Variants in JPH3 observed in about 807,000 individuals in gnomAD.
JPH3 encodes the protein junctophilin-3.
A neutral mutation model predicts 59.6 loss-of-function variants in JPH3; 11 were observed. The observed-to-expected ratio is 0.18, with a 90% CI of 0.12 to 0.31. JPH3 has a LOEUF of 0.31. Ranked by LOEUF, JPH3 falls within the 10% of genes least tolerant of loss-of-function variation. The pLI is 1.00. For missense variants in JPH3, 1,202 were observed against 1,105.7 expected, an observed-to-expected ratio of 1.09 and a Z score of -1.24; for synonymous variants, 673 against 483.6, an observed-to-expected ratio of 1.39 and a Z score of -5.14.
intron 2 of JPH3, among the ~76,000 whole-genome samples, chr16:87,668,533 C>T (rs962654307): frequency 6.6e-6 from 1 of 152,202 alleles, no homozygotes; most frequent in East Asian, 1.9e-4. Flanking sequence ...TCTGTTACAC[C>T]AAATGCAGTT....
chr16:87,693,946 A>G (rs1056990415), intron 4 of JPH3: 1 of 152,228 alleles, frequency 6.6e-6, no homozygotes, highest in Non-Finnish European at 1.5e-5. Flanking sequence ...AAGTACTCCC[A>G]CCCGTTGCCG....
At chr16:87,662,615 C>A (rs2032740859) in intron 2 of JPH3, among the ~76,000 whole-genome samples, 1 of 152,214 alleles carries the variant, frequency 6.6e-6, no homozygotes. Context: ...CCCCTGGTGG[C>A]CCCTCCAGAG....
At chr16:87,689,521 T>C in intron 3 of JPH3, 125 bp from the exon 4 acceptor site, 1 of 1,041,064 alleles carries the variant, frequency 9.6e-7, no homozygotes, top group Non-Finnish European at 1.4e-6. Context: ...CCTGCAGCCT[T>C]TCGGTGAGTG....
chr16:87,639,889 C>T (rs76799716), intron 1 of JPH3, among the ~76,000 whole-genome samples: 112 of 152,326 alleles, frequency 7.4e-4, no homozygotes, highest in African/African-American at 2.6e-3. Context: ...GGGGGGACCA[C>T]GTCATTTTAT....
chr16:87,644,603 C>T lies in JPH3; in HGVS notation c.728C>T (p.Ser243Phe). The change falls in exon 2 of 5, where the codon TCC (serine) becomes TTC (phenylalanine). Residue 243 changes from serine (S) to phenylalanine (F), a missense_variant. Ser to Phe is a radical substitution (Grantham distance 155, BLOSUM62 -2). Coordinates refer to ENST00000284262, the MANE Select transcript of JPH3 (RefSeq NM_020655.4). ...GCCAGCCAACGCAGCAAGCAGAGCTCCTTTCGCAGCGAGGCGGGCATGAGC... is the reference window on the plus strand; with the variant it reads ...GCCAGCCAACGCAGCAAGCAGAGCTTCTTTCGCAGCGAGGCGGGCATGAGC... ...SLASQRSKQSSFRSEAGMSTV... is the reference protein window; with the variant it reads ...SLASQRSKQSFFRSEAGMSTV... The T allele has an allele frequency of 6.2e-7, 1 of 1,612,894 alleles. No individual in the cohort carries two copies. The highest frequency in any genetic ancestry group is 8.5e-7 in the Non-Finnish European group (1 of 1,179,898).
chr16:87,623,654 C>T (rs937360117), intron 1 of JPH3, among the ~76,000 whole-genome samples: 21 of 152,372 alleles, frequency 1.4e-4, no homozygotes, highest in African/African-American at 4.8e-4. Flanking sequence ...CCTCACCTCA[C>T]TCTCCTCCTT....
At position 87,645,144 on chromosome 16, in the gene JPH3, AG is replaced by A. The variant is rs1479283460; in HGVS notation, c.1160+111del. The A allele has an allele frequency of 9.8e-6, 11 of 1,126,266 alleles. No homozygotes were observed. The East Asian group carries it at 2.8e-4, about 28-fold the overall frequency. The allele number at this position is 1,126,266 out of a possible 1,614,324, so 69.8% of individuals were successfully genotyped here. The stretch of plus-strand genomic sequence containing the variant: ...AAGGCCTTGGGCTAGGCCCAGTTTG[AG>A]GCCTACACTGGTGTTTCTCAAACTA... On this transcript the variant is annotated intron_variant, in intron 2 of 4. Coordinates refer to ENST00000284262, the MANE Select transcript of JPH3 (RefSeq NM_020655.4).
At chr16:87,630,802 C>G (rs1054496668) in intron 1 of JPH3, among the ~76,000 whole-genome samples, 2 of 152,174 alleles carry the variant, frequency 1.3e-5, no homozygotes, top group African/African-American at 4.8e-5. Flanking sequence ...TATCTGTTGA[C>G]TCCTACTGTA....
intron 1 of JPH3, among the ~76,000 whole-genome samples, chr16:87,641,892 G>C (rs2031966058): frequency 6.6e-6 from 1 of 152,226 alleles, no homozygotes. Context: ...GAACATCTAA[G>C]ACCCCAGCCA....
intron 1 of JPH3, among the ~76,000 whole-genome samples, chr16:87,641,251 A>G (rs1305734389): frequency 6.6e-6 from 1 of 152,142 alleles, no homozygotes. Context: ...GGCATCCTGT[A>G]GGAGAAGGTG....
chr16:87,653,167 G>C (rs1398885017), intron 2 of JPH3, among the ~76,000 whole-genome samples: 1 of 152,224 alleles, frequency 6.6e-6, no homozygotes, highest in Non-Finnish European at 1.5e-5. Flanking sequence ...CCTTGTTGAT[G>C]ATGGCCTTGA....
intron 1 of JPH3, among the ~76,000 whole-genome samples, chr16:87,617,037 C>T (rs1170092972): frequency 2.6e-5 from 4 of 152,112 alleles, no homozygotes; most frequent in Non-Finnish European, 5.9e-5. Flanking sequence ...CCAGCCTGGC[C>T]AACATGGTGA....
chr16:87,604,335 T>TG (rs2098162202), intron 1 of JPH3: 1 of 1,321,066 alleles, frequency 7.6e-7, no homozygotes, highest in African/African-American at 1.8e-5. Context: ...TGCTGTAAGA[T>TG]GGTTTCTGTG....
chr16:87,690,504 G>T lies in JPH3; in HGVS notation c.2144G>T (p.Gly715Val). ...PVALESDEEN[G>V]DELKSSTGSA... ...GCTCTAGAGTCCGACGAGGAGAATG[G>T]GGATGAGCTCAAGTCCAGTACGGTG... Residue 715 changes from glycine to valine, a missense_variant, in exon 4 of 5, where the codon GGG (glycine) becomes GTG (valine). By Grantham distance (109) the Gly-to-Val change is moderately radical. Transcript: ENST00000284262. The T allele has an allele frequency of 1.3e-6, 2 of 1,483,150 alleles. No individual in the cohort carries two copies. The highest frequency in any genetic ancestry group is 8.9e-7 in the Non-Finnish European group (1 of 1,117,818). 91.9% of individuals were successfully genotyped at this position (1,483,150 alleles called of 1,614,324 possible).
intron 1 of JPH3, among the ~76,000 whole-genome samples, chr16:87,616,374 C>G (rs1454538753): frequency 6.6e-6 from 1 of 151,126 alleles, no homozygotes; most frequent in African/African-American, 2.4e-5. Context: ...GCTGGGACTA[C>G]AGGCGCCCGC....
At chr16:87,612,230 C>G (rs2030755388) in intron 1 of JPH3, among the ~76,000 whole-genome samples, 1 of 152,198 alleles carries the variant, frequency 6.6e-6, no homozygotes, top group Non-Finnish European at 1.5e-5. Flanking sequence ...CTCAAGCCAT[C>G]TTCCCACCTC....
At chr16:87,684,431 G>C in intron 3 of JPH3, 165 bp downstream of exon 3, 4 of 1,181,122 alleles carry the variant, frequency 3.4e-6, no homozygotes, top group Non-Finnish European at 4.7e-6. Context: ...GTGCTTGTTT[G>C]TGCCAAGGCC....
At chr16:87,666,006 G>C (rs1305870721) in intron 2 of JPH3, among the ~76,000 whole-genome samples, 1 of 152,136 alleles carries the variant, frequency 6.6e-6, no homozygotes, top group African/African-American at 2.4e-5. Flanking sequence ...AGGCCCGCTC[G>C]ATCCATGGGG....
chr16:87,662,113 C>A (rs972235553), intron 2 of JPH3, among the ~76,000 whole-genome samples: 3 of 152,250 alleles, frequency 2.0e-5, no homozygotes, highest in African/African-American at 7.2e-5. Context: ...CTACGGTCAT[C>A]CCTCAAGAGG....
Sources: gnomAD v4.1 joint callset for allele counts (sites outside exome capture counted in the v4.1 genomes callset) on GRCh38, gnomAD v4.1.1 for gene constraint, MANE v1.5 for transcripts, NCBI Gene and HGNC (gene_info 2026-07-23, HGNC 2026-07-21) for gene names.